Variants in BEND2 observed in about 807,000 individuals in gnomAD.
The protein encoded by BEND2 is BEN domain-containing protein 2.
Under a neutral mutation model 43.8 loss-of-function variants are expected in BEND2, and 19 were observed. The observed-to-expected ratio is 0.43, with a 90% CI of 0.30 to 0.64. The LOEUF (loss-of-function observed/expected upper bound fraction) is 0.64, where lower values mean the gene tolerates loss of function less well. Among genes scored for constraint, BEND2 ranks in the 30% least tolerant of loss-of-function variants. BEND2 has a pLI of 0.11. For missense variants in BEND2, 544 were observed against 574.0 expected (o/e 0.95, Z 0.53); for synonymous variants, 226 against 210.1 (o/e 1.08, Z -0.66).
chrX:18,182,762 G>A (rs749463386), intron 8 of BEND2, among the ~76,000 whole-genome samples: 6 of 111,148 alleles, frequency 5.4e-5, no homozygotes, highest in East Asian at 2.8e-4. Flanking sequence ...TACAGAGGCC[G>A]GGCACGGGGG....
At chrX:18,189,354 T>C (rs1924682379) in intron 8 of BEND2, among the ~76,000 whole-genome samples, 1 of 109,058 alleles carries the variant, frequency 9.2e-6, no homozygotes, top group Admixed American at 9.8e-5. Context: ...CAAAAAAAAT[T>C]TAAAAATTAG....
chrX:18,186,967 G>GAA (rs764383363), intron 8 of BEND2, among the ~76,000 whole-genome samples: 2 of 83,270 alleles, frequency 2.4e-5, no homozygotes, highest in Non-Finnish European at 4.7e-5. Flanking sequence ...ACCCTGTCTG[G>GAA]AAAAAAAAAA....
chrX:18,206,932 G>T (rs1443463300), intron 4 of BEND2, among the ~76,000 whole-genome samples: 1 of 111,906 alleles, frequency 8.9e-6, no homozygotes. Context: ...GAACGGGCAG[G>T]GAAGGAAAAA....
At chrX:18,209,881 T>A (rs1038548840) in intron 4 of BEND2, among the ~76,000 whole-genome samples, 1 of 111,493 alleles carries the variant, frequency 9.0e-6, no homozygotes, top group Admixed American at 9.7e-5. Context: ...TTCCTGGTTC[T>A]GATAACTGTG....
At chrX:18,188,041 G>C (rs1924630348) in intron 8 of BEND2, among the ~76,000 whole-genome samples, 1 of 111,059 alleles carries the variant, frequency 9.0e-6, no homozygotes, top group Non-Finnish European at 1.9e-5. Context: ...GCAGTAGTAA[G>C]AGAGAAATTT....
At chrX:18,171,771 A>T (rs2147389313) in intron 12 of BEND2, among the ~76,000 whole-genome samples, 1 of 112,445 alleles carries the variant, frequency 8.9e-6, no homozygotes, top group African/African-American at 3.2e-5. Flanking sequence ...TTAGGATACA[A>T]GAAGTTTTAA....
chrX:18,176,561 C>T (rs913196202), intron 10 of BEND2, among the ~76,000 whole-genome samples: 2 of 108,525 alleles, frequency 1.8e-5, no homozygotes, highest in South Asian at 8.3e-4. Context: ...CACCTGTGGG[C>T]CTAGCTACTC....
chrX:18,209,143 T>A (rs1925430786), intron 4 of BEND2, among the ~76,000 whole-genome samples: 1 of 112,016 alleles, frequency 8.9e-6, no homozygotes, highest in Admixed American at 9.5e-5. Context: ...GGATTATAAC[T>A]CATACAATGC....
rs187487790 is a variant in BEND2 at position 18,163,733 on chromosome X, T to C, written c.*1276A>G. ...TGCATATACAATTTGAAATTTCTTC[T>C]TGCCTAGGGTCGAACTGTACTTTTC... On this transcript the variant is annotated 3_prime_UTR_variant, in exon 14 of 14. Transcript: ENST00000380033. 17 of 112,525 alleles carry C rather than the reference T, an allele frequency of 1.5e-4. 1 individual carries two copies. In the East Asian group the frequency reaches 4.7e-3, roughly 31 times the overall value. 9.3% of individuals were successfully genotyped at this position (112,525 alleles called of 1,213,427 possible).
chrX:18,198,300 T>G (rs1281692429), intron 6 of BEND2, among the ~76,000 whole-genome samples: 1 of 108,057 alleles, frequency 9.3e-6, no homozygotes, highest in African/African-American at 3.4e-5. Flanking sequence ...CGCAACCTAC[T>G]CATCTGACAA....
intron 8 of BEND2, among the ~76,000 whole-genome samples, chrX:18,188,768 A>C (rs1017836250): frequency 5.3e-5 from 6 of 112,228 alleles, no homozygotes; most frequent in Non-Finnish European, 1.1e-4. Context: ...TTCAAAATTC[A>C]TTATACGAGG....
At chrX:18,182,172 C>G (rs948566600) in intron 8 of BEND2, among the ~76,000 whole-genome samples, 7 of 111,356 alleles carry the variant, frequency 6.3e-5, no homozygotes, top group African/African-American at 2.3e-4. Flanking sequence ...TGGGAGGTGA[C>G]TGGATAATGT....
At chrX:18,179,649 C>A (rs951747770) in intron 9 of BEND2, among the ~76,000 whole-genome samples, 2 of 112,386 alleles carry the variant, frequency 1.8e-5, no homozygotes, top group African/African-American at 6.5e-5. Context: ...CTGCTCTTAT[C>A]TTACAACAGC....
chrX:18,182,434 T>A (rs1275612137), intron 8 of BEND2, among the ~76,000 whole-genome samples: 1 of 111,321 alleles, frequency 9.0e-6, no homozygotes, highest in Non-Finnish European at 1.9e-5. Flanking sequence ...GGTACTTCTT[T>A]ATAGCAGTAT....
At chrX:18,196,876 G>A (rs1924971228) in intron 6 of BEND2, among the ~76,000 whole-genome samples, 1 of 111,192 alleles carries the variant, frequency 9.0e-6, no homozygotes, top group Non-Finnish European at 1.9e-5. Context: ...TGATGGAAAT[G>A]TTCTATGTCT....
chrX:18,179,564 GC>G (rs1172722979), intron 9 of BEND2, among the ~76,000 whole-genome samples: 1 of 111,005 alleles, frequency 9.0e-6, no homozygotes, highest in Non-Finnish European at 1.9e-5. Flanking sequence ...CAGTCCACTG[GC>G]CCATCCCCCC....
At chrX:18,167,429 A>G (rs1371887963) in intron 13 of BEND2, among the ~76,000 whole-genome samples, 52 of 112,564 alleles carry the variant, frequency 4.6e-4, no homozygotes, top group Non-Finnish European at 1.3e-4. Context: ...TTATATTTAT[A>G]TTTTTCCTAC....
At chrX:18,185,651 A>C (rs1298655536) in intron 8 of BEND2, among the ~76,000 whole-genome samples, 1 of 109,651 alleles carries the variant, frequency 9.1e-6, no homozygotes, top group Non-Finnish European at 1.9e-5. Context: ...TTTCACCCAA[A>C]GAAGACTACC....
rs1221112936 is a variant in BEND2 at position 18,163,131 on chromosome X, A to AC, written c.*1877dup. On this transcript the variant is annotated 3_prime_UTR_variant, in exon 14 of 14. Transcript: ENST00000380033. The stretch of plus-strand genomic sequence containing the variant: ...TCCACTTTAACATAAAATACAAAAC[A>AC]CCTTTATAAAATGTATTTTGTCCAG... The AC allele has an allele frequency of 9.0e-6, 1 of 111,646 alleles. No homozygotes were observed. Among genetic ancestry groups the AC allele is most frequent in the East Asian group, 2.8e-4 (1 of 3,573 alleles). The allele number at this position is 111,646 out of a possible 1,213,427, so 9.2% of individuals were successfully genotyped here.
Sources: gnomAD v4.1 joint callset for allele counts (sites outside exome capture counted in the v4.1 genomes callset) on GRCh38, gnomAD v4.1.1 for gene constraint, MANE v1.5 for transcripts, NCBI Gene and HGNC (gene_info 2026-07-23, HGNC 2026-07-21) for gene names.